The following NTN4 variants were observed in gnomAD, a reference collection of about 807,000 sequenced individuals.
The protein encoded by NTN4 is netrin-4.
NTN4 carries 32 observed loss-of-function variants against 73.6 expected under a neutral mutation model. The ratio of observed to expected loss-of-function variants is 0.44; its 90% confidence interval spans 0.33 to 0.58. The LOEUF (loss-of-function observed/expected upper bound fraction) is 0.58, where lower values mean the gene tolerates loss of function less well. Ranked by LOEUF, NTN4 falls within the 20% of genes least tolerant of loss-of-function variation. The pLI is 0.04. For missense variants in NTN4, 654 were observed against 798.3 expected, an observed-to-expected ratio of 0.82 and a Z score of 2.18; for synonymous variants, 258 against 287.5, an observed-to-expected ratio of 0.90 and a Z score of 1.04.
At chr12:95,672,257 A>C in intron 7 of NTN4, 1 of 686,574 alleles carries the variant, frequency 1.5e-6, no homozygotes, top group East Asian at 2.6e-5. Flanking sequence ...GCGGGCTGTG[A>C]TTCTAGAATC....
chr12:95,687,050 T>C (rs572469020), intron 5 of NTN4, among the ~76,000 whole-genome samples: 2 of 152,358 alleles, frequency 1.3e-5, no homozygotes, highest in African/African-American at 2.4e-5. Flanking sequence ...CTGTGTGGCC[T>C]TTCCCCACCT....
intron 3 of NTN4, among the ~76,000 whole-genome samples, chr12:95,733,085 G>T (rs1430592285): frequency 6.6e-6 from 1 of 152,146 alleles, no homozygotes; most frequent in African/African-American, 2.4e-5. Context: ...TGCAGCTCAG[G>T]GCATTTAAAT....
intron 2 of NTN4, among the ~76,000 whole-genome samples, chr12:95,774,180 T>A (rs2079076000): frequency 1.1e-5 from 1 of 92,298 alleles, no homozygotes. Flanking sequence ...TCTCTCTTTT[T>A]TTTTTTAAAA....
intron 3 of NTN4, among the ~76,000 whole-genome samples, chr12:95,722,607 A>G (rs1404873160): frequency 6.6e-6 from 1 of 152,180 alleles, no homozygotes; most frequent in Non-Finnish European, 1.5e-5. Context: ...CCTGGGCCAG[A>G]GCCAGACCTT....
chr12:95,762,874 G>A (rs988889962), intron 2 of NTN4, among the ~76,000 whole-genome samples: 5 of 152,106 alleles, frequency 3.3e-5, no homozygotes, highest in Non-Finnish European at 7.4e-5. Flanking sequence ...CTCTCATTTC[G>A]GCTTCTAAAA....
intron 3 of NTN4, among the ~76,000 whole-genome samples, chr12:95,732,448 G>T: frequency 7.9e-6 from 1 of 125,894 alleles, no homozygotes. Flanking sequence ...TTGTTACCTA[G>T]GCTGGAGTGC....
At chr12:95,735,562 G>A (rs2078769707) in intron 3 of NTN4, among the ~76,000 whole-genome samples, 1 of 152,174 alleles carries the variant, frequency 6.6e-6, no homozygotes, top group Non-Finnish European at 1.5e-5. Flanking sequence ...GTTCCATAGG[G>A]TTTTCTAGGA....
chr12:95,669,107 T>C (rs539122567), intron 8 of NTN4, among the ~76,000 whole-genome samples: 3 of 151,824 alleles, frequency 2.0e-5, no homozygotes, highest in African/African-American at 7.2e-5. Flanking sequence ...ATTCAGGTGG[T>C]TGAGGTATGA....
At chr12:95,680,052 T>C (rs184393472) in intron 7 of NTN4, among the ~76,000 whole-genome samples, 2 of 152,326 alleles carry the variant, frequency 1.3e-5, no homozygotes, top group Admixed American at 1.3e-4. Context: ...GATCACCTTA[T>C]TTAAAAGTAT....
rs559325096 is a variant in NTN4 at position 95,754,011 on chromosome 12, T to G, written c.586-15867A>C. On this transcript the variant is annotated intron_variant, in intron 2 of 9. Transcript: ENST00000343702. ...TTTCTCCAAGCCATCATAGCTGATA[T>G]CTCCTGGTGCTATCCCCAAACTGCC... 3.3e-5 allele frequency among the ~76,000 whole-genome samples: 5 copies of G among 152,260 alleles called. No individual in the cohort carries two copies. In the East Asian group the frequency reaches 5.8e-4, roughly 18 times the overall value.
intron 7 of NTN4, chr12:95,672,390 C>A: frequency 1.1e-6 from 1 of 944,772 alleles, no homozygotes; most frequent in South Asian, 1.3e-5. Flanking sequence ...CGACTCCGAC[C>A]TGAGCCCGGC....
At chr12:95,758,909 T>C (rs2078965714) in intron 2 of NTN4, among the ~76,000 whole-genome samples, 1 of 152,212 alleles carries the variant, frequency 6.6e-6, no homozygotes, top group Non-Finnish European at 1.5e-5. Flanking sequence ...TTACAGTTTG[T>C]GCTGTTTTGT....
At chr12:95,762,257 T>C (rs75265131) in intron 2 of NTN4, among the ~76,000 whole-genome samples, 7,116 of 152,262 alleles carry the variant, frequency 0.047, 532 homozygotes, top group African/African-American at 0.16. Flanking sequence ...TTTTAAACCC[T>C]GTTACCCTGG....
chr12:95,720,265 G>A (rs975184141), intron 3 of NTN4, among the ~76,000 whole-genome samples: 2 of 152,270 alleles, frequency 1.3e-5, no homozygotes, highest in East Asian at 3.9e-4. Context: ...GAGGGAAAGG[G>A]AATGTCTTAA....
intron 7 of NTN4, among the ~76,000 whole-genome samples, chr12:95,678,868 A>G (rs779315455): frequency 2.0e-5 from 3 of 152,220 alleles, no homozygotes; most frequent in Non-Finnish European, 2.9e-5. Flanking sequence ...ACCATGGAAT[A>G]CTATGCAGCC....
intron 2 of NTN4, among the ~76,000 whole-genome samples, chr12:95,750,967 T>A (rs544752731): frequency 6.6e-6 from 1 of 152,318 alleles, no homozygotes; most frequent in Non-Finnish European, 1.5e-5. Flanking sequence ...TAATGCTCCT[T>A]TTTCTTTATC....
intron 3 of NTN4, among the ~76,000 whole-genome samples, chr12:95,732,396 C>CTTTT (rs35575824): frequency 2.1e-4 from 24 of 112,834 alleles, no homozygotes; most frequent in African/African-American, 6.1e-4. Context: ...CTTTCTTCCT[C>CTTTT]TTTTTTTTTT....
intron 3 of NTN4, among the ~76,000 whole-genome samples, chr12:95,731,710 C>A (rs1385832317): frequency 6.6e-6 from 1 of 152,076 alleles, no homozygotes; most frequent in Admixed American, 6.5e-5. Flanking sequence ...TCCTTTTTCC[C>A]CTCCCTCTCT....
chr12:95,778,244 T>C (rs2079108239), intron 2 of NTN4, among the ~76,000 whole-genome samples: 1 of 151,888 alleles, frequency 6.6e-6, no homozygotes, highest in African/African-American at 2.4e-5. Context: ...ACATCACAAT[T>C]AAAAGAACTA....
Sources: gnomAD v4.1 joint callset for allele counts (sites outside exome capture counted in the v4.1 genomes callset) on GRCh38, gnomAD v4.1.1 for gene constraint, MANE v1.5 for transcripts, NCBI Gene and HGNC (gene_info 2026-07-23, HGNC 2026-07-21) for gene names.